Variants in MRPL21 observed in about 807,000 individuals in gnomAD.
MRPL21 encodes mitochondrial ribosomal protein L21, also known as large ribosomal subunit protein bL21m.
In MRPL21, 20 loss-of-function variants were observed where a neutral mutation model predicts 27.3. The ratio of observed to expected loss-of-function variants is 0.73; its 90% confidence interval spans 0.52 to 1.06. The LOEUF (loss-of-function observed/expected upper bound fraction) is 1.06, where lower values mean the gene tolerates loss of function less well. MRPL21 is among the 50% of genes least tolerant of loss of function. The pLI is 0.00. For missense variants in MRPL21, 249 were observed against 251.4 expected, an observed-to-expected ratio of 0.99 and a Z score of 0.06; for synonymous variants, 98 against 101.5, an observed-to-expected ratio of 0.97 and a Z score of 0.21.
chr11:68,897,163 C>T (rs371663284), intron 3 of MRPL21, among the ~76,000 whole-genome samples: 10 of 152,304 alleles, frequency 6.6e-5, no homozygotes, highest in African/African-American at 1.7e-4. Context: ...TGGGGCAGGA[C>T]GCGTTCCCCC....
At position 68,892,856 on chromosome 11, in the gene MRPL21, G is replaced by GC. The variant is rs1857683091; in HGVS notation, c.553+33dup. 3.1e-6 allele frequency: 5 copies of GC among 1,598,268 alleles called. No homozygotes were observed. In the African/African-American group the frequency reaches 6.7e-5, roughly 21 times the overall value. The stretch of plus-strand genomic sequence containing the variant: ...CATGCGCCTGGGCAACCAGCACCGT[G>GC]CAACAGGGCCCAGCGGTACTTTCTC... On this transcript the variant is annotated intron_variant, in intron 6 of 6. Coordinates refer to ENST00000362034, the MANE Select transcript of MRPL21 (RefSeq NM_181514.2).
At position 68,896,549 on chromosome 11, in the gene MRPL21, T is replaced by C; in HGVS notation, c.362A>G (p.Asp121Gly). 1 of 1,614,162 alleles carries C rather than the reference T, an allele frequency of 6.2e-7. No homozygotes were observed. Among genetic ancestry groups the C allele is most frequent in the Non-Finnish European group, 8.5e-7 (1 of 1,180,024 alleles). The change falls in exon 4 of 7, where the codon GAC becomes GGC. Residue 121 changes from aspartate to glycine, a missense_variant. By Grantham distance (94) the Asp-to-Gly change is moderately conservative. Coordinates refer to ENST00000362034, the MANE Select transcript of MRPL21 (RefSeq NM_181514.2). ...EDLILIGNEL[D>G]LACGERIRLE... ...TCGAATTCTCTCTCCACACGCAAGG[T>C]CTAGTTCATTTCCAATTAAGATCAG...
intron 4 of MRPL21, 144 bp from the exon 5 acceptor site, chr11:68,893,599 ATC>A: frequency 8.9e-7 from 1 of 1,124,414 alleles, no homozygotes; most frequent in Non-Finnish European, 1.3e-6. Flanking sequence ...CTGTCTAATG[ATC>A]TCTTTAATAT....
At chr11:68,898,586 C>G (rs507520) in intron 2 of MRPL21, among the ~76,000 whole-genome samples, 1 of 152,116 alleles carries the variant, frequency 6.6e-6, no homozygotes, top group Non-Finnish European at 1.5e-5. Context: ...AATTCTGTGT[C>G]CTGGTGTCTA....
chr11:68,895,276 CA>C lies in MRPL21; in HGVS notation c.396+1238del, dbSNP rs202201401. 1.8e-4 allele frequency among the ~76,000 whole-genome samples: 27 copies of C among 149,338 alleles called. 1 individual carries two copies. The East Asian group carries it at 4.7e-3, about 26-fold the overall frequency. ...CAAAACTCCTTCTCAAACAAACAAA[CA>C]AAAAAAAAGAGTAGGCAAAAATCAA... is the stretch of plus-strand genomic sequence containing the variant. On this transcript the variant is annotated intron_variant, in intron 4 of 6. Transcript: ENST00000362034.
intron 4 of MRPL21, 51 bp downstream of exon 4, chr11:68,896,464 C>T (rs750383688): frequency 6.2e-7 from 1 of 1,603,534 alleles, no homozygotes; most frequent in Non-Finnish European, 8.5e-7. Flanking sequence ...GTGGAGATTA[C>T]ATACTTGGTG....
At chr11:68,903,486 T>C (rs1471432762) in intron 1 of MRPL21, among the ~76,000 whole-genome samples, 1 of 152,124 alleles carries the variant, frequency 6.6e-6, no homozygotes, top group South Asian at 2.1e-4. Flanking sequence ...CTCACTCTTC[T>C]CCCCCATAAC....
intron 2 of MRPL21, among the ~76,000 whole-genome samples, chr11:68,898,795 CT>C (rs60725210): frequency 6.0e-5 from 9 of 149,308 alleles, no homozygotes; most frequent in Non-Finnish European, 1.0e-4. Flanking sequence ...CGGGCAATGC[CT>C]TTTTTTTTTG....
At chr11:68,894,418 C>T (rs1201885949) in intron 4 of MRPL21, among the ~76,000 whole-genome samples, 1 of 152,098 alleles carries the variant, frequency 6.6e-6, no homozygotes, top group East Asian at 1.9e-4. Flanking sequence ...GTAGCTGGGA[C>T]TACAGGCGCC....
intron 4 of MRPL21, among the ~76,000 whole-genome samples, chr11:68,895,495 T>G (rs906853440): frequency 6.7e-6 from 1 of 150,364 alleles, no homozygotes; most frequent in Non-Finnish European, 1.5e-5. Context: ...ACTAAAAATA[T>G]AAAAATTAGC....
intron 2 of MRPL21, among the ~76,000 whole-genome samples, chr11:68,898,500 C>T (rs992385021): frequency 6.6e-6 from 1 of 152,248 alleles, no homozygotes; most frequent in African/African-American, 2.4e-5. Context: ...TCCACCTCCA[C>T]CTCCTCCTAG....
chr11:68,892,872 G>T lies in MRPL21; in HGVS notation c.553+18C>A. ...CAGCACCGTGCAACAGGGCCCAGCGGTACTTTCTCTAACTTACTTCTTTTC... is the reference window on the plus strand; with the variant it reads ...CAGCACCGTGCAACAGGGCCCAGCGTTACTTTCTCTAACTTACTTCTTTTC... On this transcript the variant is annotated intron_variant, in intron 6 of 6. Coordinates refer to ENST00000362034, the MANE Select transcript of MRPL21 (RefSeq NM_181514.2). The T allele has an allele frequency of 6.2e-7, 1 of 1,606,260 alleles. No individual in the cohort carries two copies. The highest frequency in any genetic ancestry group is 8.5e-7 in the Non-Finnish European group (1 of 1,174,920).
At position 68,891,386 on chromosome 11, in the gene MRPL21, G is replaced by A. The variant is rs762955978; in HGVS notation, c.563C>T (p.Thr188Ile). Residue 188 changes from threonine (T) to isoleucine (I), a missense_variant, in exon 7 of 7, where the codon ACC becomes ATC. Transcript: ENST00000362034. ...KNFKKKRIVTTPQTVLRINSI... is the reference protein window; with the variant it reads ...KNFKKKRIVTIPQTVLRINSI... ...GTTTATCCGGAGGACAGTCTGCGGG[G>A]TCGTGACGACTGAAAGAAAGGATGT... The A allele has an allele frequency of 6.2e-7, 1 of 1,614,048 alleles. No individual in the cohort carries two copies. The highest frequency in any genetic ancestry group is 8.5e-7 in the Non-Finnish European group (1 of 1,180,016).
chr11:68,896,680 T>C lies in MRPL21; in HGVS notation c.233-2A>G, dbSNP rs767683879. On this transcript the variant is annotated splice_acceptor_variant, in intron 3 of 6. Coordinates refer to ENST00000362034, the MANE Select transcript of MRPL21 (RefSeq NM_181514.2). LOFTEE classifies it high-confidence loss of function. ...TCTCATTCACCTTCTTCACGACCTC[T>C]GCAGGGGAAGGCGGGTGGGTGGGCA... 1.0e-4 allele frequency: 169 copies of C among 1,613,260 alleles called. No homozygotes were observed. Among genetic ancestry groups the C allele is most frequent in the Non-Finnish European group, 1.4e-4 (166 of 1,179,762 alleles).
At chr11:68,902,575 G>A (rs1418260163) in intron 1 of MRPL21, among the ~76,000 whole-genome samples, 2 of 152,136 alleles carry the variant, frequency 1.3e-5, no homozygotes, top group African/African-American at 4.8e-5. Flanking sequence ...CTGTCCATGT[G>A]CCCACAGCTT....
intron 3 of MRPL21, 26 bp from the exon 4 acceptor site, chr11:68,896,704 C>T (rs1398986282): frequency 1.1e-5 from 18 of 1,611,744 alleles, no homozygotes; most frequent in Non-Finnish European, 1.4e-5. Context: ...GGTGGGTGGG[C>T]AGTCACCCTC....
In MRPL21 at chr11:68,893,466, C is replaced by G; in HGVS notation, c.397-11G>C. On this transcript the variant is annotated splice_polypyrimidine_tract_variant and intron_variant, in intron 4 of 6. Transcript: ENST00000362034. ...CCCAACCAGCAGGACCTGAAAAATT[C>G]AACAGGTGTGTTTCATCAGTGGCTC... 1.9e-6 allele frequency: 3 copies of G among 1,614,176 alleles called. No individual in the cohort carries two copies. The highest frequency in any genetic ancestry group is 8.5e-7 in the Non-Finnish European group (1 of 1,180,034).
chr11:68,894,665 G>C (rs1857743047), intron 4 of MRPL21, among the ~76,000 whole-genome samples: 1 of 152,204 alleles, frequency 6.6e-6, no homozygotes, highest in Admixed American at 6.5e-5. Context: ...TAAATGTCTA[G>C]AGACAAAGTA....
intron 4 of MRPL21, 99 bp downstream of exon 4, chr11:68,896,416 G>T: frequency 6.9e-7 from 1 of 1,442,002 alleles, no homozygotes; most frequent in Non-Finnish European, 9.6e-7. Context: ...CACCTGAGAC[G>T]GGGTCGGCGA....
Sources: allele counts gnomAD v4.1 joint callset (sites outside exome capture counted in the v4.1 genomes callset), GRCh38; gene constraint gnomAD v4.1.1; transcripts MANE v1.5; gene names NCBI Gene and HGNC (gene_info 2026-07-23, HGNC 2026-07-21).